FBXW4: variants seen among roughly 807,000 people sequenced by gnomAD.
FBXW4 encodes the protein F-box and WD repeat domain containing 4, also known as F-box/WD repeat-containing protein 4.
A neutral mutation model predicts 61.8 loss-of-function variants in FBXW4; 40 were observed. The observed-to-expected ratio is 0.65, with a 90% CI of 0.50 to 0.84. The LOEUF is 0.84. Among genes scored for constraint, FBXW4 ranks in the 40% least tolerant of loss-of-function variants. The pLI, the probability that FBXW4 is intolerant of heterozygous loss-of-function variation, is 0.00. For missense variants in FBXW4, 672 were observed against 753.8 expected, an observed-to-expected ratio of 0.89 and a Z score of 1.27; for synonymous variants, 311 against 313.8, an observed-to-expected ratio of 0.99 and a Z score of 0.10.
At chr10:101,682,435 T>C (rs937961484) in intron 1 of FBXW4, among the ~76,000 whole-genome samples, 4 of 152,146 alleles carry the variant, frequency 2.6e-5, no homozygotes, top group African/African-American at 9.7e-5. Flanking sequence ...AAAAATAGAC[T>C]TCCCTGTCTG....
chr10:101,632,540 TCAA>T (rs1342849536), intron 5 of FBXW4, among the ~76,000 whole-genome samples: 3 of 151,888 alleles, frequency 2.0e-5, no homozygotes, highest in Non-Finnish European at 4.4e-5. Context: ...TCTGATTCAC[TCAA>T]GAATCAGAAA....
rs557225276 is a variant in FBXW4, at chr10:101,694,972, G to A, written c.134C>T (p.Ala45Val). ...KRRKGKGKGKARAGQGGRGSG... is the reference protein window; with the variant it reads ...KRRKGKGKGKVRAGQGGRGSG... Reference sequence around the variant, plus strand: ...TCCTCTTCCGCCTTGCCCCGCTCTCGCTTTTCCCTTCCCCTTCCCCTTCCT... The same window carrying A: ...TCCTCTTCCGCCTTGCCCCGCTCTCACTTTTCCCTTCCCCTTCCCCTTCCT... The change falls in exon 1 of 9, where the codon GCG (alanine) becomes GTG (valine). Residue 45 changes from alanine (A) to valine (V), a missense_variant. Physicochemically the swap from Ala to Val is moderately conservative, Grantham distance 64. This residue lies in a region of FBXW4 where 5 missense variants were observed against 19.0 expected (regional missense o/e 0.26). Coordinates refer to ENST00000331272, the MANE Select transcript of FBXW4 (RefSeq NM_022039.4). This position sits in a 1 kb window ranked among gnomAD's most constrained non-coding sequence, Gnocchi z 6.0. 7,096 of 1,195,778 alleles carry A rather than the reference G, an allele frequency of 5.9e-3. 30 individuals carry two copies. Among genetic ancestry groups the A allele is most frequent in the Middle Eastern group, 9.8e-3 (30 of 3,058 alleles). The allele number at this position is 1,195,778 out of a possible 1,614,324, so 74.1% of individuals were successfully genotyped here.
chr10:101,634,069 C>T (rs1292582604), intron 5 of FBXW4, among the ~76,000 whole-genome samples: 3 of 151,950 alleles, frequency 2.0e-5, no homozygotes, highest in Admixed American at 6.6e-5. Context: ...GCCAAGATCG[C>T]ACCACTGCAC....
chr10:101,628,819 A>AT (rs1246051486), intron 5 of FBXW4, among the ~76,000 whole-genome samples: 1 of 152,182 alleles, frequency 6.6e-6, no homozygotes, highest in Non-Finnish European at 1.5e-5. Context: ...TCTAAAAGTC[A>AT]TTTTGACTCC....
chr10:101,662,322 C>G (rs1184837879), intron 5 of FBXW4, among the ~76,000 whole-genome samples: 2 of 152,170 alleles, frequency 1.3e-5, no homozygotes, highest in Non-Finnish European at 2.9e-5. Flanking sequence ...CTTCCAGACG[C>G]TCCCTCACCT....
intron 6 of FBXW4, among the ~76,000 whole-genome samples, chr10:101,617,178 C>T (rs2063831782): frequency 6.6e-6 from 1 of 152,186 alleles, no homozygotes; most frequent in East Asian, 1.9e-4. Context: ...TCACAACAGG[C>T]TTTGGAGGTA....
chr10:101,678,102 C>A (rs1380778216), intron 1 of FBXW4, among the ~76,000 whole-genome samples: 1 of 152,110 alleles, frequency 6.6e-6, no homozygotes, highest in African/African-American at 2.4e-5. Context: ...CATTGGAGGG[C>A]GAGTGTCAAT....
chr10:101,656,582 C>T (rs1458192649), intron 5 of FBXW4, among the ~76,000 whole-genome samples: 2 of 152,218 alleles, frequency 1.3e-5, no homozygotes, highest in African/African-American at 2.4e-5. Context: ...CTAAAGCACA[C>T]TGACTTTGGA....
chr10:101,624,533 T>A (rs1453836083), intron 6 of FBXW4, among the ~76,000 whole-genome samples: 1 of 152,234 alleles, frequency 6.6e-6, no homozygotes, highest in East Asian at 1.9e-4. Flanking sequence ...AAATTCTACA[T>A]GAAACTATTT....
intron 1 of FBXW4, among the ~76,000 whole-genome samples, chr10:101,690,324 T>G (rs988180971): frequency 1.3e-5 from 2 of 152,242 alleles, no homozygotes; most frequent in African/African-American, 4.8e-5. Context: ...TAGGGAAAAT[T>G]TGAAAGACTG....
chr10:101,664,473 T>A (rs1339511977), intron 5 of FBXW4, among the ~76,000 whole-genome samples: 1 of 152,132 alleles, frequency 6.6e-6, no homozygotes, highest in Non-Finnish European at 1.5e-5. Context: ...ATATTTTCCA[T>A]GAGGAGTCCA....
At chr10:101,622,965 GA>G (rs1486083051) in intron 6 of FBXW4, 1 of 151,992 alleles carries the variant, frequency 6.6e-6, no homozygotes, top group East Asian at 1.9e-4. Context: ...TCCATTAAAA[GA>G]AAACAATCCA....
At chr10:101,657,639 C>CA (rs35721394) in intron 5 of FBXW4, among the ~76,000 whole-genome samples, 42,774 of 56,124 alleles carry the variant, frequency 0.76, 16,855 homozygotes, top group South Asian at 0.89. Flanking sequence ...GACTCTGTCT[C>CA]AAAAAAAAAA....
In FBXW4 at chr10:101,611,728, A is replaced by G. The variant is rs1589734075; in HGVS notation, c.1484T>C (p.Leu495Pro). The G allele has an allele frequency of 6.2e-7, 1 of 1,614,170 alleles. No homozygotes were observed. Among genetic ancestry groups the G allele is most frequent in the Non-Finnish European group, 8.5e-7 (1 of 1,180,022 alleles). The change falls in exon 8 of 9, where the codon CTG (leucine) becomes CCG (proline). Residue 495 changes from leucine to proline, a missense_variant. Leu to Pro is a moderately conservative substitution (Grantham distance 98, BLOSUM62 -3). This residue lies in a region of FBXW4 where 312 missense variants were observed against 370.1 expected (regional missense o/e 0.84). Coordinates refer to ENST00000331272, the MANE Select transcript of FBXW4 (RefSeq NM_022039.4). This position sits in a 1 kb window ranked among gnomAD's most constrained non-coding sequence, Gnocchi z 4.9. Reference sequence around the variant, plus strand: ...GTTGCCATCTGTCTGCAGGCAGTACAGGGTGCTGTCGTGGGGCTCCTCCCA... The same window carrying G: ...GTTGCCATCTGTCTGCAGGCAGTACGGGGTGCTGTCGTGGGGCTCCTCCCA... ...MEWEEPHDST[L>P]YCLQTDGNHL...
intron 6 of FBXW4, chr10:101,623,035 T>C (rs1050624310): frequency 2.6e-5 from 4 of 152,232 alleles, no homozygotes; most frequent in African/African-American, 9.6e-5. Context: ...ATGAAATATA[T>C]GGCAAATAAA....
chr10:101,632,830 A>G (rs2063969789), intron 5 of FBXW4, among the ~76,000 whole-genome samples: 1 of 152,184 alleles, frequency 6.6e-6, no homozygotes, highest in Non-Finnish European at 1.5e-5. Context: ...CTGAGAAATG[A>G]TGATACAATA....
At chr10:101,640,835 C>T (rs1378935045) in intron 5 of FBXW4, among the ~76,000 whole-genome samples, 2 of 139,690 alleles carry the variant, frequency 1.4e-5, no homozygotes, top group African/African-American at 2.7e-5. Context: ...CCTTCCCCCA[C>T]CCCCGCCTTT....
Position 101,611,546 on chromosome 10 carries a change from C to G in FBXW4, c.1584+82G>C. Reference sequence around the variant, plus strand: ...TCTTCCAACCCTTTCTAGGCACGTCCTTGGCTACCTCACCCTCTCCCAAAT... The same window carrying G: ...TCTTCCAACCCTTTCTAGGCACGTCGTTGGCTACCTCACCCTCTCCCAAAT... On this transcript the variant is annotated intron_variant, in intron 8 of 8. Coordinates refer to ENST00000331272, the MANE Select transcript of FBXW4 (RefSeq NM_022039.4). The surrounding 1 kb of genome is among the most constrained non-coding windows in gnomAD (Gnocchi z 4.9). 2 of 1,584,020 alleles carry G rather than the reference C, an allele frequency of 1.3e-6. No individual in the cohort carries two copies. The highest frequency in any genetic ancestry group is 1.7e-6 in the Non-Finnish European group (2 of 1,161,308).
chr10:101,631,234 C>T (rs898840242), intron 5 of FBXW4, among the ~76,000 whole-genome samples: 10 of 152,188 alleles, frequency 6.6e-5, no homozygotes, highest in Non-Finnish European at 1.5e-4. Context: ...GCCAACTTCA[C>T]GGATGACTGA....
Sources: allele counts gnomAD v4.1 joint callset (sites outside exome capture counted in the v4.1 genomes callset), GRCh38; gene constraint gnomAD v4.1.1; regional missense constraint gnomAD v4.1.1; non-coding constraint Gnocchi (gnomAD v3.1); transcripts MANE v1.5; gene names NCBI Gene and HGNC (gene_info 2026-07-23, HGNC 2026-07-21).